IPO11: variants seen among roughly 807,000 people sequenced by gnomAD.
The protein encoded by IPO11 is importin 11.
A neutral mutation model predicts 143.2 loss-of-function variants in IPO11; 66 were observed. That is an observed-to-expected ratio of 0.46 (90% CI 0.38 to 0.57). The LOEUF (loss-of-function observed/expected upper bound fraction) is 0.57, where lower values mean the gene tolerates loss of function less well. Ranked by LOEUF, IPO11 falls within the 20% of genes least tolerant of loss-of-function variation. The pLI is 0.00. For missense variants in IPO11, 1,026 were observed against 1,141.0 expected, an observed-to-expected ratio of 0.90 and a Z score of 1.45; for synonymous variants, 385 against 377.8, an observed-to-expected ratio of 1.02 and a Z score of -0.22.
intron 3 of IPO11, among the ~76,000 whole-genome samples, chr5:62,448,281 A>G (rs1226325994): frequency 1.3e-5 from 2 of 152,108 alleles, no homozygotes; most frequent in Non-Finnish European, 2.9e-5. Flanking sequence ...GTCCCAGGCC[A>G]GACAGGGCAG....
intron 15 of IPO11, among the ~76,000 whole-genome samples, chr5:62,491,374 C>T (rs1439723534): frequency 6.6e-6 from 1 of 152,136 alleles, no homozygotes; most frequent in African/African-American, 2.4e-5. Context: ...CTGACTTAGT[C>T]TCAGGGAGCT....
chr5:62,601,135 C>T (rs550253701), intron 28 of IPO11: 2 of 152,332 alleles, frequency 1.3e-5, no homozygotes, highest in South Asian at 2.1e-4. Flanking sequence ...CAGTTTGATT[C>T]ACTAGACAGT....
intron 12 of IPO11, 54 bp downstream of exon 12, chr5:62,485,516 C>G: frequency 7.5e-7 from 1 of 1,334,464 alleles, no homozygotes; most frequent in Non-Finnish European, 1.1e-6. Flanking sequence ...CTTTCTAAAG[C>G]TCTTAGTAGA....
At chr5:62,613,518 G>A (rs566922947) in intron 29 of IPO11, among the ~76,000 whole-genome samples, 1 of 151,654 alleles carries the variant, frequency 6.6e-6, no homozygotes, top group Non-Finnish European at 1.5e-5. Context: ...GCCCAGGCTC[G>A]TCTTGAACTC....
intron 9 of IPO11, among the ~76,000 whole-genome samples, chr5:62,478,342 T>C (rs1279694617): frequency 1.3e-5 from 2 of 152,092 alleles, no homozygotes; most frequent in African/African-American, 4.8e-5. Context: ...AATTTTTGTA[T>C]TTTTGGTAGA....
At chr5:62,467,421 G>A (rs1384800161) in intron 6 of IPO11, among the ~76,000 whole-genome samples, 158 bp downstream of exon 6, 1 of 151,502 alleles carries the variant, frequency 6.6e-6, no homozygotes, top group Non-Finnish European at 1.5e-5. Context: ...TTTTGTGGCA[G>A]TAGCTCTTCC....
Position 62,483,221 on chromosome 5 carries a change from A to G in IPO11, c.949A>G (p.Ile317Val), listed in dbSNP as rs1746272876. 5 of 1,611,528 alleles carry G rather than the reference A, an allele frequency of 3.1e-6. No homozygotes were observed. The highest frequency in any genetic ancestry group is 4.2e-6 in the Non-Finnish European group (5 of 1,178,500). ...VGEGVTFERF[I>V]VQCMNLIKMI... is the part of the protein sequence containing the mutation. ...TGAAGGCGTTACATTTGAACGATTC[A>G]TTGTCCAATGTATGAATCTTATTAA... Residue 317 changes from isoleucine (I) to valine (V), a missense_variant, in exon 10 of 30, where the codon ATT (isoleucine) becomes GTT (valine). Ile to Val is a conservative substitution (Grantham distance 29, BLOSUM62 3). This residue lies in a region of IPO11 where 429 missense variants were observed against 456.3 expected (regional missense o/e 0.94). Coordinates refer to ENST00000325324, the MANE Select transcript of IPO11 (RefSeq NM_016338.5).
At chr5:62,574,276 G>C (rs1490599761) in intron 27 of IPO11, among the ~76,000 whole-genome samples, 1 of 152,100 alleles carries the variant, frequency 6.6e-6, no homozygotes, top group African/African-American at 2.4e-5. Context: ...TAAATCATCT[G>C]TTAGGCTAAT....
chr5:62,445,845 T>C (rs1744701687), intron 3 of IPO11, among the ~76,000 whole-genome samples: 1 of 152,188 alleles, frequency 6.6e-6, no homozygotes, highest in Non-Finnish European at 1.5e-5. Context: ...CGTAAGTCAG[T>C]ATCATCTGTA....
intron 28 of IPO11, among the ~76,000 whole-genome samples, chr5:62,594,144 G>C (rs376457072): frequency 3.5e-4 from 54 of 152,282 alleles, no homozygotes; most frequent in African/African-American, 1.3e-3. Flanking sequence ...CATCAGTAGT[G>C]TACTAGGGTT....
intron 24 of IPO11, among the ~76,000 whole-genome samples, chr5:62,540,693 C>CAAA (rs1452597882): frequency 1.3e-5 from 2 of 152,194 alleles, no homozygotes; most frequent in African/African-American, 2.4e-5. Flanking sequence ...CCTCATTTTC[C>CAAA]ATCTGTAACA....
intron 29 of IPO11, among the ~76,000 whole-genome samples, chr5:62,618,653 A>G (rs1561390005): frequency 6.6e-6 from 1 of 152,184 alleles, no homozygotes; most frequent in African/African-American, 2.4e-5. Context: ...TAGGCTAATC[A>G]ATGGAAAAAT....
chr5:62,424,936 A>G (rs954280576), intron 1 of IPO11, among the ~76,000 whole-genome samples: 4 of 152,134 alleles, frequency 2.6e-5, no homozygotes, highest in African/African-American at 9.7e-5. Flanking sequence ...AAACACATTC[A>G]TGTCTTTACC....
chr5:62,553,332 G>GTA (rs1248573025), intron 26 of IPO11, among the ~76,000 whole-genome samples: 1 of 77,308 alleles, frequency 1.3e-5, no homozygotes, highest in Non-Finnish European at 2.6e-5. Context: ...GAGTGTGTGT[G>GTA]TGTGTGTGTG....
At position 62,618,004 on chromosome 5, in the gene IPO11, T is replaced by C. The variant is rs981498182; in HGVS notation, c.2764-9150T>C. On this transcript the variant is annotated intron_variant, in intron 29 of 29. Coordinates refer to ENST00000325324, the MANE Select transcript of IPO11 (RefSeq NM_016338.5). The stretch of plus-strand genomic sequence containing the variant: ...TGTATAGTGACAGATCTGAACAATA[T>C]GATCAGGAAACTTAATATCTATATA... Among the ~76,000 whole-genome samples, 5 of 152,120 alleles carry C rather than the reference T, an allele frequency of 3.3e-5. No homozygotes were observed. The South Asian group carries it at 1.0e-3, about 32-fold the overall frequency.
intron 22 of IPO11, among the ~76,000 whole-genome samples, chr5:62,534,414 C>A (rs1742667190): frequency 1.3e-5 from 2 of 152,060 alleles, no homozygotes; most frequent in Non-Finnish European, 2.9e-5. Context: ...ATAATTCACT[C>A]CCTTTCCTCC....
intron 4 of IPO11, 63 bp from the exon 5 acceptor site, chr5:62,451,667 G>A: frequency 8.3e-7 from 1 of 1,201,480 alleles, no homozygotes; most frequent in Non-Finnish European, 1.2e-6. Context: ...AAGGTGATTT[G>A]TCACCGTGAA....
intron 29 of IPO11, among the ~76,000 whole-genome samples, chr5:62,606,232 G>A (rs1256898749): frequency 6.7e-6 from 1 of 149,822 alleles, no homozygotes; most frequent in African/African-American, 2.5e-5. Flanking sequence ...TGTAATCCCA[G>A]TACTTTGGGA....
chr5:62,483,928 T>C (rs1746304913), intron 10 of IPO11, 82 bp from the exon 11 acceptor site: 1 of 1,197,952 alleles, frequency 8.3e-7, no homozygotes, highest in African/African-American at 1.6e-5. Context: ...TGAGAGTGTA[T>C]TTTTTATTTA....
Sources: gnomAD v4.1 joint callset for allele counts (sites outside exome capture counted in the v4.1 genomes callset) on GRCh38, gnomAD v4.1.1 for gene constraint, gnomAD v4.1.1 regional missense constraint, MANE v1.5 for transcripts, NCBI Gene and HGNC (gene_info 2026-07-23, HGNC 2026-07-21) for gene names.